Variants in NLRP11 observed in about 807,000 individuals in gnomAD.
NLRP11 encodes the protein NLR family pyrin domain containing 11.
Under a neutral mutation model 79.3 loss-of-function variants are expected in NLRP11, and 53 were observed. The observed-to-expected ratio is 0.67, with a 90% CI of 0.54 to 0.84. The LOEUF (loss-of-function observed/expected upper bound fraction) is 0.84. Ranked by LOEUF, NLRP11 falls within the 40% of genes least tolerant of loss-of-function variation. NLRP11 has a pLI of 0.00. For missense variants in NLRP11, 1,264 were observed against 1,255.0 expected (o/e 1.01, Z -0.11); for synonymous variants, 518 against 462.6 (o/e 1.12, Z -1.54).
At position 55,809,350 on chromosome 19, in the gene NLRP11, A is replaced by C; in HGVS notation, c.1260T>G (p.Val420=). 6.2e-7 allele frequency: 1 copy of C among 1,614,158 alleles called. No homozygotes were observed. The highest frequency in any genetic ancestry group is 1.1e-5 in the South Asian group (1 of 91,080). The change falls in exon 3 of 10, where the codon GTT becomes GTG. Residue 420 remains valine, a synonymous_variant. Transcript: ENST00000589093. The surrounding 1 kb of genome is among the most constrained non-coding windows in gnomAD (Gnocchi z 4.5). The stretch of plus-strand genomic sequence containing the variant: ...CAGAGACATCAGCCTCAGTAAACCC[A>C]ACACATCTGAGGTCTTCACCACTGA...
intron 2 of NLRP11, among the ~76,000 whole-genome samples, chr19:55,812,396 A>C (rs1030571384): frequency 1.4e-4 from 21 of 152,336 alleles, no homozygotes; most frequent in African/African-American, 4.6e-4. Context: ...GAGGAAAAAC[A>C]ATCACAAAAC....
chr19:55,793,652 C>T (rs939298575), intron 6 of NLRP11, among the ~76,000 whole-genome samples: 7 of 144,072 alleles, frequency 4.9e-5, no homozygotes, highest in Admixed American at 1.4e-4. Flanking sequence ...GAAAAGGGTA[C>T]ACTAGACCAG....
chr19:55,815,528 CAAAA>C (rs11343133), intron 2 of NLRP11, among the ~76,000 whole-genome samples: 4,261 of 92,832 alleles, frequency 0.046, 185 homozygotes, highest in East Asian at 0.21. Flanking sequence ...GACTCCATCT[CAAAA>C]AAAAAAAAAA....
At chr19:55,830,598 T>TTAAAA (rs752782865) in intron 1 of NLRP11, among the ~76,000 whole-genome samples, 6 of 129,226 alleles carry the variant, frequency 4.6e-5, no homozygotes, top group South Asian at 2.3e-4. Context: ...CTTAGCTTCC[T>TTAAAA]AAAAAAAAAA....
At chr19:55,820,192 C>G (rs913255470) in intron 1 of NLRP11, among the ~76,000 whole-genome samples, 4 of 152,128 alleles carry the variant, frequency 2.6e-5, no homozygotes, top group African/African-American at 9.7e-5. Flanking sequence ...CCTAAAGGAG[C>G]CTTTAAATGC....
intron 1 of NLRP11, among the ~76,000 whole-genome samples, chr19:55,829,615 C>T (rs563724482): frequency 5.8e-4 from 83 of 142,396 alleles, no homozygotes; most frequent in Non-Finnish European, 5.2e-4. Context: ...TGCAGTGAGC[C>T]GAGATGGCGC....
chr19:55,789,515 A>AAGCAGTC, intron 7 of NLRP11, 116 bp from the exon 8 acceptor site: 1 of 919,656 alleles, frequency 1.1e-6, no homozygotes, highest in Non-Finnish European at 1.7e-6. Flanking sequence ...GGGACTGCTT[A>AAGCAGTC]CAGAAACAAG....
At chr19:55,817,820 G>GGAAAAAAAAAAAAAAA (rs1555803816) in intron 2 of NLRP11, 84 bp downstream of exon 2, 1 of 748,608 alleles carries the variant, frequency 1.3e-6, no homozygotes, top group Non-Finnish European at 2.0e-6. Context: ...AACCTATTTA[G>GGAAAAAAAAAAAAAAA]AAAAAAAAAA....
rs1349410811 is a variant in NLRP11, at chr19:55,823,096, TCCCTGAC to T, written c.-62-4867_-62-4861del. On this transcript the variant is annotated intron_variant, in intron 1 of 9. Transcript: ENST00000589093. The stretch of plus-strand genomic sequence containing the variant: ...CCAGCAGACTGCCTCCTCAAGTGGG[TCCCTGAC>T]CCCTGACCCCCAAGCAGCCTAACTG... Among the ~76,000 whole-genome samples the T allele has an allele frequency of 3.4e-5, 5 of 147,250 alleles. No homozygotes were observed. In the South Asian group the frequency reaches 6.4e-4, roughly 19 times the overall value.
Position 55,809,287 on chromosome 19 carries a change from A to T in NLRP11, c.1323T>A (p.Thr441=). Residue 441 remains threonine, a synonymous_variant, in exon 3 of 10, where the codon ACT becomes ACA. Transcript: ENST00000589093. The surrounding 1 kb of genome is among the most constrained non-coding windows in gnomAD (Gnocchi z 4.5). ...GTATGAACTTGTAACGGTCTTTATG[A>T]GTGTTGCTCGGCAAAAGAATATTCG... The T allele has an allele frequency of 6.2e-7, 1 of 1,614,004 alleles. No homozygotes were observed. The highest frequency in any genetic ancestry group is 8.5e-7 in the Non-Finnish European group (1 of 1,179,896).
At chr19:55,792,663 T>C (rs528588851) in intron 6 of NLRP11, among the ~76,000 whole-genome samples, 192 bp from the exon 7 acceptor site, 68 of 152,304 alleles carry the variant, frequency 4.5e-4, no homozygotes, top group Non-Finnish European at 7.8e-4. Context: ...AAATACAGAA[T>C]GGATGATGCA....
At chr19:55,814,479 G>A (rs1980896182) in intron 2 of NLRP11, among the ~76,000 whole-genome samples, 2 of 152,068 alleles carry the variant, frequency 1.3e-5, no homozygotes, top group East Asian at 3.9e-4. Context: ...CGGGACCACT[G>A]CTTTACACTA....
chr19:55,789,651 A>C (rs529283236), intron 7 of NLRP11, among the ~76,000 whole-genome samples: 36 of 152,386 alleles, frequency 2.4e-4, no homozygotes, highest in African/African-American at 8.4e-4. Context: ...AACTGAGGCC[A>C]GAATGTTTTA....
chr19:55,804,977 C>T (rs898914227), intron 4 of NLRP11, among the ~76,000 whole-genome samples: 6 of 150,434 alleles, frequency 4.0e-5, no homozygotes, highest in Non-Finnish European at 7.4e-5. Context: ...ACAGAAGAAT[C>T]GCTTGAACCC....
At chr19:55,822,056 C>T (rs962170722) in intron 1 of NLRP11, among the ~76,000 whole-genome samples, 2 of 152,012 alleles carry the variant, frequency 1.3e-5, no homozygotes, top group Admixed American at 6.5e-5. Context: ...GTCAGGAGTC[C>T]GAGACTAGCC....
At chr19:55,806,459 A>G (rs1979998725) in intron 4 of NLRP11, among the ~76,000 whole-genome samples, 1 of 152,140 alleles carries the variant, frequency 6.6e-6, no homozygotes, top group Non-Finnish European at 1.5e-5. Flanking sequence ...CCTAGTCTAG[A>G]TTTAATCAAG....
At chr19:55,792,226 C>G in intron 7 of NLRP11, 75 bp downstream of exon 7, 1 of 1,326,454 alleles carries the variant, frequency 7.5e-7, no homozygotes, top group African/African-American at 1.4e-5. Flanking sequence ...GAATCTTATC[C>G]CTGCCACCAA....
At chr19:55,827,651 A>G (rs1282350235) in intron 1 of NLRP11, among the ~76,000 whole-genome samples, 6 of 151,320 alleles carry the variant, frequency 4.0e-5, no homozygotes, top group Non-Finnish European at 7.4e-5. Context: ...TGCAGCCAAA[A>G]AAAACATGAA....
Position 55,818,325 on chromosome 19 carries a change from A to T in NLRP11, c.-62-89T>A, listed in dbSNP as rs1281527398. 4.7e-6 allele frequency: 3 copies of T among 643,506 alleles called. No individual in the cohort carries two copies. In the African/African-American group the frequency reaches 5.5e-5, roughly 12 times the overall value. 39.9% of individuals were successfully genotyped at this position (643,506 alleles called of 1,614,324 possible). A position where few individuals can be genotyped will look rare whatever the true frequency, so the allele number is the denominator to read the frequency against. ...CATCCTAGACAATTCCTGTGGTGTG[A>T]TAGAAGCTCCTTTCTGATAGGCCAT... On this transcript the variant is annotated intron_variant, in intron 1 of 9. Coordinates refer to ENST00000589093, the Ensembl canonical transcript of NLRP11.
Sources: allele counts gnomAD v4.1 joint callset (sites outside exome capture counted in the v4.1 genomes callset), GRCh38; gene constraint gnomAD v4.1.1; non-coding constraint Gnocchi (gnomAD v3.1); transcripts MANE v1.5; gene names NCBI Gene and HGNC (gene_info 2026-07-23, HGNC 2026-07-21).